MYO5A: variants seen among roughly 807,000 people sequenced by gnomAD.
MYO5A encodes the protein unconventional myosin-Va.
A neutral mutation model predicts 249.7 loss-of-function variants in MYO5A; 98 were observed. The ratio of observed to expected loss-of-function variants is 0.39; its 90% CI spans 0.33 to 0.46. The LOEUF is 0.46. Among genes scored for constraint, MYO5A ranks in the 20% least tolerant of loss-of-function variants. The pLI, the probability that MYO5A is intolerant of heterozygous loss-of-function variation, is 0.98. For missense variants in MYO5A, 1,696 were observed against 2,308.8 expected, an observed-to-expected ratio of 0.73 and a Z score of 5.44; for synonymous variants, 778 against 810.6, an observed-to-expected ratio of 0.96 and a Z score of 0.68.
intron 16 of MYO5A, among the ~76,000 whole-genome samples, chr15:52,381,652 C>T (rs1363008238): frequency 6.6e-6 from 1 of 152,014 alleles, no homozygotes; most frequent in Admixed American, 6.6e-5. Flanking sequence ...TACTCTGTAG[C>T]CATTATATGA....
intron 7 of MYO5A, among the ~76,000 whole-genome samples, 154 bp from the exon 8 acceptor site, chr15:52,407,553 A>G (rs1235772046): frequency 6.6e-6 from 1 of 151,082 alleles, no homozygotes; most frequent in Admixed American, 6.6e-5. Context: ...TTAATAAAAA[A>G]TTAAAAATTA....
At chr15:52,325,482 GC>G (rs1207561401) in intron 36 of MYO5A, among the ~76,000 whole-genome samples, 1 of 150,136 alleles carries the variant, frequency 6.7e-6, no homozygotes, top group Non-Finnish European at 1.5e-5. Flanking sequence ...GCTCACTGCA[GC>G]TTTGACCTCA....
At chr15:52,518,397 G>C (rs963884253) in intron 1 of MYO5A, among the ~76,000 whole-genome samples, 3 of 152,174 alleles carry the variant, frequency 2.0e-5, no homozygotes, top group Admixed American at 6.5e-5. Flanking sequence ...TAACTCTAAG[G>C]GGCTTAACAT....
chr15:52,423,306 A>G (rs191596724), intron 4 of MYO5A, among the ~76,000 whole-genome samples: 1 of 151,868 alleles, frequency 6.6e-6, no homozygotes, highest in Non-Finnish European at 1.5e-5. Flanking sequence ...TAATCCCAGC[A>G]CTTTGGGAGG....
chr15:52,466,032 A>G (rs755585598), intron 1 of MYO5A, among the ~76,000 whole-genome samples: 1 of 152,208 alleles, frequency 6.6e-6, no homozygotes, highest in Admixed American at 6.5e-5. Context: ...CGAGCAATCC[A>G]GACCACAGGA....
At chr15:52,452,643 G>A (rs2076042917) in intron 1 of MYO5A, among the ~76,000 whole-genome samples, 2 of 151,980 alleles carry the variant, frequency 1.3e-5, no homozygotes, top group South Asian at 2.1e-4. Flanking sequence ...ACACTGACAG[G>A]ATATTCCCTT....
chr15:52,528,928 G>A (rs28716632), upstream of MYO5A: 5,780 of 840,178 alleles, frequency 6.9e-3, 119 homozygotes, highest in South Asian at 0.055. Context: ...GGCAGGGCCG[G>A]GCGGGGAGGG....
intron 1 of MYO5A, among the ~76,000 whole-genome samples, chr15:52,450,843 G>GTTTTTTGT (rs769982056): frequency 0.028 from 2,347 of 84,220 alleles, 92 homozygotes; most frequent in African/African-American, 0.11. Context: ...CACTACTGTG[G>GTTTTTTGT]TTTTTTTTTT....
intron 9 of MYO5A, 97 bp from the exon 10 acceptor site, chr15:52,397,563 ATTTC>A: frequency 7.0e-7 from 1 of 1,422,338 alleles, no homozygotes. Context: ...AAATTCAGCA[ATTTC>A]TTTGTTATAA....
intron 5 of MYO5A, among the ~76,000 whole-genome samples, chr15:52,413,125 C>T (rs72736669): frequency 1.0e-4 from 11 of 109,872 alleles, no homozygotes; most frequent in African/African-American, 3.6e-4. Flanking sequence ...GCAGCCTGGA[C>T]AACAAGAGCG....
chr15:52,517,456 G>A (rs1206369375), intron 1 of MYO5A, among the ~76,000 whole-genome samples: 3 of 152,192 alleles, frequency 2.0e-5, no homozygotes, highest in Non-Finnish European at 1.5e-5. Flanking sequence ...AATCTGAGGT[G>A]GGCAGATCAC....
chr15:52,349,157 T>G lies in MYO5A; in HGVS notation c.3850-331A>C, dbSNP rs148333284. 4.4e-4 allele frequency among the ~76,000 whole-genome samples: 67 copies of G among 152,340 alleles called. 1 individual carries two copies. The East Asian group carries it at 7.1e-3, about 16-fold the overall frequency. The stretch of plus-strand genomic sequence containing the variant: ...CTCCTGTTATTTGTGGGTGAAATTC[T>G]TATCGTAGGTCTGTGGAGTTAAAGT... On this transcript the variant is annotated intron_variant, in intron 28 of 41. Transcript: ENST00000399233.
At chr15:52,324,452 T>C (rs1567020233) in intron 36 of MYO5A, among the ~76,000 whole-genome samples, 1 of 152,242 alleles carries the variant, frequency 6.6e-6, no homozygotes, top group Admixed American at 6.5e-5. Context: ...AGTTTGTATA[T>C]GGGAAGTCAC....
chr15:52,396,092 C>T (rs2042473363), intron 11 of MYO5A, among the ~76,000 whole-genome samples: 1 of 152,142 alleles, frequency 6.6e-6, no homozygotes, highest in Non-Finnish European at 1.5e-5. Flanking sequence ...TCTATTTGTC[C>T]CAAATTTTCG....
At chr15:52,469,785 T>G (rs907683948) in intron 1 of MYO5A, among the ~76,000 whole-genome samples, 5 of 152,226 alleles carry the variant, frequency 3.3e-5, no homozygotes, top group Non-Finnish European at 7.3e-5. Context: ...AATGTCAATT[T>G]GCTTCCTGAC....
chr15:52,486,211 C>T (rs950968564), intron 1 of MYO5A, among the ~76,000 whole-genome samples: 1 of 152,180 alleles, frequency 6.6e-6, no homozygotes, highest in South Asian at 2.1e-4. Context: ...TCTCTGTTTG[C>T]CATGTCCAGG....
chr15:52,464,425 G>A lies in MYO5A; in HGVS notation c.28-31140C>T, dbSNP rs1595732323. The stretch of plus-strand genomic sequence containing the variant: ...CCCCTCATTTCCCATCTCTTCTTAG[G>A]ACTAGTTCCTTCTCACTCTTCTGGT... On this transcript the variant is annotated intron_variant, in intron 1 of 41. Coordinates refer to ENST00000399233, the MANE Select transcript of MYO5A (RefSeq NM_001382347.1). 3.3e-5 allele frequency among the ~76,000 whole-genome samples: 5 copies of A among 152,046 alleles called. No individual in the cohort carries two copies. The South Asian group carries it at 1.0e-3, about 32-fold the overall frequency.
intron 25 of MYO5A, among the ~76,000 whole-genome samples, chr15:52,355,461 G>C (rs2040172065): frequency 6.6e-6 from 1 of 152,228 alleles, no homozygotes; most frequent in East Asian, 1.9e-4. Flanking sequence ...GCTTGGCTGT[G>C]TCCCCACTAA....
At chr15:52,368,068 T>A (rs1225570439) in intron 22 of MYO5A, among the ~76,000 whole-genome samples, 2 of 152,226 alleles carry the variant, frequency 1.3e-5, no homozygotes, top group African/African-American at 4.8e-5. Context: ...AATTCCTTTT[T>A]CTAAGCTAAA....
Sources: gnomAD v4.1 joint callset for allele counts (sites outside exome capture counted in the v4.1 genomes callset) on GRCh38, gnomAD v4.1.1 for gene constraint, MANE v1.5 for transcripts, NCBI Gene and HGNC (gene_info 2026-07-23, HGNC 2026-07-21) for gene names.